The following FBXL20 variants were observed in gnomAD, a reference collection of about 807,000 sequenced individuals.
The protein encoded by FBXL20 is F-box/LRR-repeat protein 20.
In FBXL20, 11 loss-of-function variants were observed where a neutral mutation model predicts 64.0. The ratio of observed to expected loss-of-function variants is 0.17; its 90% confidence interval spans 0.11 to 0.28. The LOEUF is 0.28. Among genes scored for constraint, FBXL20 ranks in the 10% least tolerant of loss-of-function variants. FBXL20 has a pLI of 1.00. For synonymous variants in FBXL20, 184 were observed against 189.0 expected (o/e 0.97, Z 0.22); for missense variants, 303 against 526.2 (o/e 0.58, Z 4.15).
intron 9 of FBXL20, 45 bp from the exon 10 acceptor site, chr17:39,275,145 C>A: frequency 5.8e-6 from 9 of 1,540,022 alleles, no homozygotes; most frequent in East Asian, 2.4e-5. Context: ...AGTATCTTAG[C>A]AAAACAAAAA....
At chr17:39,323,055 C>T (rs1011783341) in intron 2 of FBXL20, among the ~76,000 whole-genome samples, 2 of 151,816 alleles carry the variant, frequency 1.3e-5, no homozygotes, top group Non-Finnish European at 1.5e-5. Flanking sequence ...CTGCAAGCTC[C>T]GCCTCCAGGG....
intron 12 of FBXL20, among the ~76,000 whole-genome samples, chr17:39,267,464 A>G (rs1458506514): frequency 6.6e-6 from 1 of 152,220 alleles, no homozygotes; most frequent in Non-Finnish European, 1.5e-5. Context: ...TCTCCTTAGA[A>G]TAATCAGAGA....
At chr17:39,355,497 T>A (rs562632738) in intron 1 of FBXL20, among the ~76,000 whole-genome samples, 1 of 152,348 alleles carries the variant, frequency 6.6e-6, no homozygotes, top group Non-Finnish European at 1.5e-5. Flanking sequence ...TCTGACACAC[T>A]ACTGTTTTTA....
At chr17:39,375,037 G>A (rs375519866) in intron 1 of FBXL20, among the ~76,000 whole-genome samples, 2 of 152,122 alleles carry the variant, frequency 1.3e-5, no homozygotes, top group South Asian at 2.1e-4. Context: ...CACCTGCCTC[G>A]GCCTCCCAAA....
chr17:39,366,693 T>C (rs2047862987), intron 1 of FBXL20, among the ~76,000 whole-genome samples: 2 of 152,346 alleles, frequency 1.3e-5, no homozygotes, highest in South Asian at 2.1e-4. Flanking sequence ...TGAAGATATC[T>C]GAAGACACTG....
intron 2 of FBXL20, among the ~76,000 whole-genome samples, chr17:39,305,859 C>T (rs1053309944): frequency 1.3e-5 from 2 of 151,712 alleles, no homozygotes; most frequent in Admixed American, 1.3e-4. Context: ...GTGGTGGGGG[C>T]GCTTGTAATC....
At chr17:39,278,226 A>C (rs1315108340) in intron 9 of FBXL20, among the ~76,000 whole-genome samples, 1 of 152,150 alleles carries the variant, frequency 6.6e-6, no homozygotes, top group Non-Finnish European at 1.5e-5. Flanking sequence ...GCTCACCGCT[A>C]CATCTGCCTC....
chr17:39,390,764 G>A (rs2048126492), intron 1 of FBXL20, among the ~76,000 whole-genome samples: 1 of 152,068 alleles, frequency 6.6e-6, no homozygotes, highest in African/African-American at 2.4e-5. Flanking sequence ...GAGGTCATTA[G>A]TAGGCCAAGT....
chr17:39,320,909 A>G (rs2047349613), intron 2 of FBXL20, among the ~76,000 whole-genome samples: 2 of 152,182 alleles, frequency 1.3e-5, no homozygotes, highest in South Asian at 4.1e-4. Flanking sequence ...TCTACAACAA[A>G]AAGTGACTAA....
chr17:39,401,731 GGGC>G, upstream of FBXL20: 7 of 1,106,766 alleles, frequency 6.3e-6, no homozygotes, highest in Non-Finnish European at 7.7e-6. Context: ...GGAGGGGGAG[GGGC>G]GGGAGGGGAG....
intron 1 of FBXL20, among the ~76,000 whole-genome samples, chr17:39,358,141 C>G (rs898437552): frequency 2.0e-5 from 3 of 152,134 alleles, no homozygotes; most frequent in Non-Finnish European, 4.4e-5. Flanking sequence ...AGAACAGGAG[C>G]TCTGATGTCC....
In FBXL20 at chr17:39,283,127, A is replaced by G. The variant is rs118138584; in HGVS notation, c.495-272T>C. On this transcript the variant is annotated intron_variant, in intron 7 of 14. Transcript: ENST00000264658. ...TTTATATTCCTTTTGTACTTATCAC[A>G]TATCTCAAAGCTCTCTAGACAAAAA... Among the ~76,000 whole-genome samples, 1,057 of 152,318 alleles carry G rather than the reference A, an allele frequency of 6.9e-3. 12 individuals are homozygous for G. The highest frequency in any genetic ancestry group is 8.5e-3 in the Non-Finnish European group (579 of 68,020).
intron 2 of FBXL20, among the ~76,000 whole-genome samples, chr17:39,323,023 G>A (rs1215768479): frequency 6.7e-6 from 1 of 149,710 alleles, no homozygotes; most frequent in Non-Finnish European, 1.5e-5. Flanking sequence ...AGGCTGGAGT[G>A]CAGTGGCACA....
chr17:39,350,332 A>T (rs1310581659), intron 1 of FBXL20, among the ~76,000 whole-genome samples: 1 of 152,110 alleles, frequency 6.6e-6, no homozygotes, highest in Non-Finnish European at 1.5e-5. Flanking sequence ...TCTACTAAAA[A>T]TACAAAATTA....
In FBXL20 at chr17:39,400,116, C is replaced by G. The variant is rs2048226996; in HGVS notation, c.42+1245G>C. Among the ~76,000 whole-genome samples, 3 of 152,136 alleles carry G rather than the reference C, an allele frequency of 2.0e-5. No homozygotes were observed. The South Asian group carries it at 6.2e-4, about 31-fold the overall frequency. ...ATAATATATTCCATAACATTTTCTT[C>G]TAGTGATCAAGTTAAATACTAAAAC... On this transcript the variant is annotated intron_variant, in intron 1 of 14. Coordinates refer to ENST00000264658, the MANE Select transcript of FBXL20 (RefSeq NM_032875.3).
chr17:39,309,568 C>T (rs1012010178), intron 2 of FBXL20, among the ~76,000 whole-genome samples: 1 of 151,776 alleles, frequency 6.6e-6, no homozygotes, highest in East Asian at 1.9e-4. Context: ...TGCAATGGTG[C>T]GAGACAGCTG....
chr17:39,255,830 A>G lies in FBXL20; in HGVS notation c.*5630T>C, dbSNP rs1334796677. The G allele has an allele frequency of 2.6e-5, 4 of 151,778 alleles. No individual in the cohort carries two copies. The highest frequency in any genetic ancestry group is 2.0e-4 in the Admixed American group (3 of 15,234). The allele number at this position is 151,778 out of a possible 1,614,324, so 9.4% of individuals were successfully genotyped here. A position where few individuals can be genotyped will look rare whatever the true frequency, so the allele number is the denominator to read the frequency against. ...GCACTCCAGCCTGGGCAACAAGAAA[A>G]AAAAAAAAAGTTTATCCCAAGTGAG... On this transcript the variant is annotated 3_prime_UTR_variant, in exon 15 of 15. Coordinates refer to ENST00000264658, the MANE Select transcript of FBXL20 (RefSeq NM_032875.3).
At chr17:39,394,439 AT>A (rs542002638) in intron 1 of FBXL20, among the ~76,000 whole-genome samples, 37 of 145,940 alleles carry the variant, frequency 2.5e-4, no homozygotes, top group Non-Finnish European at 2.9e-4. Context: ...CGCCAGGCTA[AT>A]TTTTTTTTTT....
rs544946956 is a variant in FBXL20 at position 39,396,682 on chromosome 17, G to A, written c.42+4679C>T. 9.2e-5 allele frequency among the ~76,000 whole-genome samples: 14 copies of A among 151,950 alleles called. No individual in the cohort carries two copies. The East Asian group carries it at 1.4e-3, about 15-fold the overall frequency. On this transcript the variant is annotated intron_variant, in intron 1 of 14. Transcript: ENST00000264658. ...GATTAATATGCAGGTCTTGCCGGGC[G>A]TGGTGGCTCACACCTGTAATCCCAG...
Sources: allele counts gnomAD v4.1 joint callset (sites outside exome capture counted in the v4.1 genomes callset), GRCh38; gene constraint gnomAD v4.1.1; transcripts MANE v1.5; gene names NCBI Gene and HGNC (gene_info 2026-07-23, HGNC 2026-07-21).